XPO4: variants seen among roughly 807,000 people sequenced by gnomAD.
XPO4 encodes the protein exportin 4.
XPO4 carries 39 observed loss-of-function variants against 143.0 expected under a neutral mutation model. That is an observed-to-expected ratio of 0.27 (90% confidence interval 0.21 to 0.36). XPO4 has a LOEUF of 0.36. Ranked by LOEUF, XPO4 falls within the 10% of genes least tolerant of loss-of-function variation. XPO4 has a pLI of 1.00. For missense variants in XPO4, 907 were observed against 1,348.0 expected, an observed-to-expected ratio of 0.67 and a Z score of 5.12; for synonymous variants, 439 against 474.0, an observed-to-expected ratio of 0.93 and a Z score of 0.96.
chr13:20,808,396 C>T, intron 12 of XPO4, 40 bp downstream of exon 12: 1 of 1,486,400 alleles, frequency 6.7e-7, no homozygotes, highest in Non-Finnish European at 9.1e-7. Flanking sequence ...TTAAATTGCT[C>T]AGTTGGCAAT....
chr13:20,829,653 G>A (rs540616453), intron 6 of XPO4, among the ~76,000 whole-genome samples: 1 of 152,090 alleles, frequency 6.6e-6, no homozygotes, highest in African/African-American at 2.4e-5. Flanking sequence ...AGAAGCAAAG[G>A]GAATCATATT....
At chr13:20,884,114 C>G (rs60690368) in intron 1 of XPO4, among the ~76,000 whole-genome samples, 1 of 152,100 alleles carries the variant, frequency 6.6e-6, no homozygotes, top group Non-Finnish European at 1.5e-5. Context: ...GTGGCTCACA[C>G]CTGTAATCCT....
chr13:20,829,528 TC>T (rs2059826795), intron 6 of XPO4, among the ~76,000 whole-genome samples: 1 of 152,130 alleles, frequency 6.6e-6, no homozygotes, highest in African/African-American at 2.4e-5. Flanking sequence ...AGATGTGTGA[TC>T]CCTCAGAGTA....
Position 20,799,225 on chromosome 13 carries a change from A to C in XPO4, c.2262T>G (p.Ala754=). Residue 754 remains alanine (A), a synonymous_variant, in exon 16 of 23, where the codon GCT becomes GCG. Coordinates refer to ENST00000255305, the MANE Select transcript of XPO4 (RefSeq NM_022459.5). ...SSPVQRTLMK[A]LVLGGFAHMD... Reference sequence around the variant, plus strand: ...TATGTGCAAAACCTCCTAAGACTAGAGCCTTCATCAATGTCCTCTGCACAG... The same window carrying C: ...TATGTGCAAAACCTCCTAAGACTAGCGCCTTCATCAATGTCCTCTGCACAG... The C allele has an allele frequency of 6.2e-7, 1 of 1,613,562 alleles. No individual in the cohort carries two copies. Among genetic ancestry groups the C allele is most frequent in the African/African-American group, 1.3e-5 (1 of 75,042 alleles).
At chr13:20,846,648 T>C (rs2060032106) in intron 4 of XPO4, among the ~76,000 whole-genome samples, 1 of 152,218 alleles carries the variant, frequency 6.6e-6, no homozygotes, top group African/African-American at 2.4e-5. Flanking sequence ...TACAAAAATA[T>C]ACTTCTATCT....
chr13:20,790,516 A>G lies in XPO4; in HGVS notation c.2862T>C (p.Val954=), dbSNP rs2059266787. The change falls in exon 19 of 23, where the codon GTT becomes GTC. Residue 954 remains valine (V), a synonymous_variant. Transcript: ENST00000255305. ...AANRSVSAAD[V]VLYGVNLILP... ...GAATTAGGTTTACTCCATACAACAC[A>G]ACATCCGCTGCTGACACAGATCTGT... 6.2e-7 allele frequency: 1 copy of G among 1,614,190 alleles called. No homozygotes were observed.
chr13:20,796,550 T>G (rs192178114), intron 17 of XPO4, among the ~76,000 whole-genome samples: 95 of 152,094 alleles, frequency 6.2e-4, no homozygotes, highest in Admixed American at 1.4e-3. Context: ...GTATCCTGTT[T>G]CCTTTTAGAA....
At chr13:20,833,847 G>A (rs1356979151) in intron 6 of XPO4, among the ~76,000 whole-genome samples, 1 of 152,184 alleles carries the variant, frequency 6.6e-6, no homozygotes, top group East Asian at 1.9e-4. Flanking sequence ...AAGCTGGCCT[G>A]TGAGTGCAGC....
At chr13:20,902,206 G>A in intron 1 of XPO4, 4 of 985,356 alleles carry the variant, frequency 4.1e-6, no homozygotes, top group Non-Finnish European at 4.8e-6. Context: ...AAGCGCTAGA[G>A]GATGCGAATG....
At chr13:20,849,050 T>G in intron 4 of XPO4, 1 of 985,442 alleles carries the variant, frequency 1.0e-6, no homozygotes, top group Middle Eastern at 5.2e-4. Flanking sequence ...CAGAGATAGC[T>G]TGCCTTACTC....
rs2059107193 is a variant in XPO4, at chr13:20,778,610, A to C, written c.*5112T>G. 3.3e-5 allele frequency: 5 copies of C among 152,182 alleles called. No individual in the cohort carries two copies. Among genetic ancestry groups the C allele is most frequent in the Admixed American group, 6.5e-5 (1 of 15,280 alleles). The allele number at this position is 152,182 out of a possible 1,614,324, so 9.4% of individuals were successfully genotyped here. A position where few individuals can be genotyped will look rare whatever the true frequency, so the allele number is the denominator to read the frequency against. ...TCTAAGACTGTGGGCTGAGATAAATATTATAAAATATAGACAAAATTTTTA... is the reference window on the plus strand; with the variant it reads ...TCTAAGACTGTGGGCTGAGATAAATCTTATAAAATATAGACAAAATTTTTA... On this transcript the variant is annotated 3_prime_UTR_variant, in exon 23 of 23. Transcript: ENST00000255305.
At chr13:20,852,447 T>C (rs1021589457) in intron 4 of XPO4, 25 of 985,386 alleles carry the variant, frequency 2.5e-5, no homozygotes, top group Non-Finnish European at 3.0e-5. Flanking sequence ...ATGACCAACA[T>C]TGGATAATGC....
rs201553788 is a variant in XPO4, at chr13:20,796,172, C to T, written c.2701G>A (p.Val901Ile). The T allele has an allele frequency of 8.9e-5, 144 of 1,613,324 alleles. No homozygotes were observed. The highest frequency in any genetic ancestry group is 5.8e-4 in the Admixed American group (35 of 59,968). The stretch of plus-strand genomic sequence containing the variant: ...TGGTATTGCTCTTCTTCTGCTGTAA[C>T]ATCTATTCTTTGCCGCCCTAAATTA... ...KNNLGRQRID[V>I]TAEEEQYQDL... Residue 901 changes from valine (V) to isoleucine (I), a missense_variant, in exon 18 of 23, where the codon GTT becomes ATT. Coordinates refer to ENST00000255305, the MANE Select transcript of XPO4 (RefSeq NM_022459.5).
At chr13:20,791,749 A>T (rs765013542) in intron 18 of XPO4, among the ~76,000 whole-genome samples, 51 of 152,256 alleles carry the variant, frequency 3.3e-4, no homozygotes, top group Non-Finnish European at 5.6e-4. Context: ...TCCAAAAGTA[A>T]GCATGATTTT....
At chr13:20,814,844 T>C (rs1461116762) in intron 9 of XPO4, among the ~76,000 whole-genome samples, 3 of 152,210 alleles carry the variant, frequency 2.0e-5, no homozygotes, top group Non-Finnish European at 2.9e-5. Flanking sequence ...CACTTATCTC[T>C]CAATGCCCAT....
intron 6 of XPO4, among the ~76,000 whole-genome samples, chr13:20,836,945 T>G (rs1252734792): frequency 1.1e-4 from 17 of 152,224 alleles, no homozygotes; most frequent in Admixed American, 1.1e-3. Flanking sequence ...GTGAATGGCT[T>G]TTTTCACTCA....
intron 1 of XPO4, among the ~76,000 whole-genome samples, chr13:20,878,927 T>C (rs529394684): frequency 6.6e-6 from 1 of 152,224 alleles, no homozygotes; most frequent in East Asian, 1.9e-4. Flanking sequence ...CTATTCTCGA[T>C]AGTACAGCTG....
intron 9 of XPO4, among the ~76,000 whole-genome samples, chr13:20,811,753 G>T (rs967102360): frequency 6.6e-6 from 1 of 152,150 alleles, no homozygotes; most frequent in African/African-American, 2.4e-5. Flanking sequence ...AGGCAGTGGT[G>T]GGGGTGCACC....
Position 20,816,323 on chromosome 13 carries a change from G to T in XPO4, c.1173+5381C>A, listed in dbSNP as rs562298945. On this transcript the variant is annotated intron_variant, in intron 9 of 22. Coordinates refer to ENST00000255305, the MANE Select transcript of XPO4 (RefSeq NM_022459.5). ...GAAGTATCATTTAAGGCAAATATGG[G>T]AACAATATAGTGACACAAATGTCAC... Among the ~76,000 whole-genome samples, 50 of 152,000 alleles carry T rather than the reference G, an allele frequency of 3.3e-4. No homozygotes were observed. In the South Asian group the frequency reaches 4.0e-3, roughly 12 times the overall value.
Sources: gnomAD v4.1 joint callset for allele counts (sites outside exome capture counted in the v4.1 genomes callset) on GRCh38, gnomAD v4.1.1 for gene constraint, MANE v1.5 for transcripts, NCBI Gene and HGNC (gene_info 2026-07-23, HGNC 2026-07-21) for gene names.